XPO5: variants seen among roughly 807,000 people sequenced by gnomAD.
XPO5 encodes exportin 5, also known as exportin-5.
XPO5 carries 46 observed loss-of-function variants against 160.6 expected under a neutral mutation model. That is an observed-to-expected ratio of 0.29 (90% CI 0.23 to 0.37). XPO5 has a LOEUF of 0.37. Ranked by LOEUF, XPO5 falls within the 10% of genes least tolerant of loss-of-function variation. XPO5 has a pLI of 1.00. For missense variants in XPO5, 1,090 were observed against 1,463.9 expected (o/e 0.74, Z 4.17); for synonymous variants, 537 against 519.3 (o/e 1.03, Z -0.46).
At position 43,525,094 on chromosome 6, in the gene XPO5, T is replaced by C. The variant is rs1308657011; in HGVS notation, c.3174+13A>G. ...TTCCATGAGGGGCAGGGAAAAGGGG[T>C]GAATAACCATACTTGTTTGAGGAGA... On this transcript the variant is annotated intron_variant, in intron 29 of 31. Transcript: ENST00000265351. The C allele has an allele frequency of 1.3e-6, 2 of 1,569,138 alleles. No individual in the cohort carries two copies. Among genetic ancestry groups the C allele is most frequent in the East Asian group, 4.7e-5 (2 of 42,506 alleles).
chr6:43,547,371 T>C, intron 19 of XPO5: 3 of 596,746 alleles, frequency 5.0e-6, no homozygotes, highest in Non-Finnish European at 9.2e-6. Context: ...TTCAGAGCTA[T>C]TTAGAGATCC....
chr6:43,525,297 G>GTTT, intron 28 of XPO5, 83 bp from the exon 29 acceptor site: 54 of 1,075,878 alleles, frequency 5.0e-5, no homozygotes, highest in Non-Finnish European at 6.3e-5. Flanking sequence ...GAGCCGGAGG[G>GTTT]TTTTTTTTTT....
chr6:43,547,582 AC>A (rs764832527), intron 19 of XPO5, 25 bp downstream of exon 19: 1 of 1,610,372 alleles, frequency 6.2e-7, no homozygotes, highest in Non-Finnish European at 8.5e-7. Context: ...GGCCAATGCC[AC>A]TTCCCATTCC....
chr6:43,526,455 G>C (rs1395464006), intron 27 of XPO5: 2 of 560,498 alleles, frequency 3.6e-6, no homozygotes, highest in Non-Finnish European at 3.2e-6. Context: ...CAAGAGAAAA[G>C]ATCACATATA....
chr6:43,556,010 T>G (rs746025880), intron 12 of XPO5, 46 bp from the exon 13 acceptor site: 1 of 1,607,884 alleles, frequency 6.2e-7, no homozygotes, highest in South Asian at 1.1e-5. Flanking sequence ...CAATAACTGG[T>G]ATAAAATAAG....
At chr6:43,548,014 T>A (rs1795047643) in intron 18 of XPO5, among the ~76,000 whole-genome samples, 1 of 152,246 alleles carries the variant, frequency 6.6e-6, no homozygotes, top group Non-Finnish European at 1.5e-5. Flanking sequence ...CTAGCTGTTC[T>A]CATTTTTCTA....
chr6:43,525,291 C>A (rs531507184), intron 28 of XPO5, 77 bp from the exon 29 acceptor site: 1 of 1,370,072 alleles, frequency 7.3e-7, no homozygotes, highest in Admixed American at 2.5e-5. Context: ...CATCAGGAGC[C>A]GGAGGGTTTT....
At position 43,566,679 on chromosome 6, in the gene XPO5, G is replaced by A. The variant is rs898935229; in HGVS notation, c.834+490C>T. The A allele has an allele frequency of 6.1e-5, 25 of 411,548 alleles. 1 individual carries two copies. Among genetic ancestry groups the A allele is most frequent in the African/African-American group, 4.1e-4 (20 of 48,798 alleles). The allele number at this position is 411,548 out of a possible 1,614,324, so 25.5% of individuals were successfully genotyped here. On this transcript the variant is annotated intron_variant, in intron 7 of 31. Transcript: ENST00000265351. ...ACAAAAATCAGTCGGGCATGGTGGC[G>A]TGTGCCTATAGTCCTAGCTACTCGG... is the stretch of plus-strand genomic sequence containing the variant.
intron 15 of XPO5, 105 bp downstream of exon 15, chr6:43,551,193 C>T (rs1356920027): frequency 8.1e-7 from 1 of 1,242,012 alleles, no homozygotes; most frequent in Non-Finnish European, 1.1e-6. Context: ...TAATTTGAGT[C>T]CAGCCTGGGC....
chr6:43,525,137 G>A lies in XPO5; in HGVS notation c.3144C>T (p.Thr1048=). 1.3e-6 allele frequency: 2 copies of A among 1,580,866 alleles called. No homozygotes were observed. Among genetic ancestry groups the A allele is most frequent in the Non-Finnish European group, 1.7e-6 (2 of 1,162,650 alleles). ...TGAGGAGAGGCCAGCAGAGCTGTGA[G>A]GTTGTCCTCTGGCAGGACAGAGTAT... ...WKDTLSCQRT[T]SQLCWPLLKQ... is the part of the protein sequence containing the mutation. Residue 1048 remains threonine, a synonymous_variant, in exon 29 of 32, where the codon ACC becomes ACT. Coordinates refer to ENST00000265351, the MANE Select transcript of XPO5 (RefSeq NM_020750.3).
In XPO5 at chr6:43,522,952, C is replaced by G. The variant is rs560437340; in HGVS notation, c.*916G>C. 1.2e-4 allele frequency: 22 copies of G among 176,632 alleles called. 3 individuals carry two copies. In the South Asian group the frequency reaches 2.2e-3, roughly 17 times the overall value. The allele number at this position is 176,632 out of a possible 1,614,324, so 10.9% of individuals were successfully genotyped here. On this transcript the variant is annotated 3_prime_UTR_variant, in exon 32 of 32. Transcript: ENST00000265351. ...GCCTTTGAGAAAAGTAACCAGGGACCTGAAAGACCATGAGATTGTGGAAGG... is the reference window on the plus strand; with the variant it reads ...GCCTTTGAGAAAAGTAACCAGGGACGTGAAAGACCATGAGATTGTGGAAGG...
In XPO5 at chr6:43,525,231, G is replaced by A; in HGVS notation, c.3067-17C>T. The A allele has an allele frequency of 6.4e-7, 1 of 1,559,680 alleles. No homozygotes were observed. The highest frequency in any genetic ancestry group is 8.7e-7 in the Non-Finnish European group (1 of 1,150,318). On this transcript the variant is annotated splice_polypyrimidine_tract_variant and intron_variant, in intron 28 of 31. Transcript: ENST00000265351. ...ACAAACATCCTGAACAGGAAAAGAT[G>A]AAGAGTTACAATGGAAAAAGAAGCA...
chr6:43,525,318 C>A (rs1036332533), intron 28 of XPO5, 104 bp from the exon 29 acceptor site: 20 of 1,112,380 alleles, frequency 1.8e-5, no homozygotes, highest in Middle Eastern at 2.5e-4. Context: ...TTCCTCCCCC[C>A]CTCTAAAGAT....
chr6:43,534,726 G>A (rs968693377), intron 20 of XPO5, among the ~76,000 whole-genome samples: 5 of 152,106 alleles, frequency 3.3e-5, no homozygotes, highest in Non-Finnish European at 7.3e-5. Context: ...GGCTGGGCTC[G>A]GTGGCTCACG....
In XPO5 at chr6:43,528,117, T is replaced by A. The variant is rs373500175; in HGVS notation, c.2822+42A>T. On this transcript the variant is annotated intron_variant, in intron 25 of 31. Transcript: ENST00000265351. ...TTCCTTTTCCCACCCCAAACCTGGCTGCCAGTTCATCCACCAAGAAGAGTG... is the reference window on the plus strand; with the variant it reads ...TTCCTTTTCCCACCCCAAACCTGGCAGCCAGTTCATCCACCAAGAAGAGTG... 1.0e-5 allele frequency: 16 copies of A among 1,565,246 alleles called. No homozygotes were observed. The African/African-American group carries it at 2.0e-4, about 20-fold the overall frequency.
At chr6:43,545,304 G>C (rs1174651102) in intron 20 of XPO5, among the ~76,000 whole-genome samples, 1 of 152,182 alleles carries the variant, frequency 6.6e-6, no homozygotes, top group Non-Finnish European at 1.5e-5. Context: ...ATTCCCAGGA[G>C]AGTTTCACTG....
At chr6:43,564,797 C>T (rs946845324) in intron 8 of XPO5, among the ~76,000 whole-genome samples, 2 of 152,022 alleles carry the variant, frequency 1.3e-5, no homozygotes, top group Non-Finnish European at 2.9e-5. Flanking sequence ...TAGAGATGGA[C>T]TCTTGCCATG....
intron 13 of XPO5, among the ~76,000 whole-genome samples, chr6:43,554,615 G>A (rs1038109586): frequency 6.6e-6 from 1 of 151,688 alleles, no homozygotes; most frequent in African/African-American, 2.4e-5. Flanking sequence ...GTAGAGACAG[G>A]GTTTTGCCAT....
At chr6:43,536,207 G>T (rs1481061497) in intron 20 of XPO5, among the ~76,000 whole-genome samples, 2 of 151,862 alleles carry the variant, frequency 1.3e-5, no homozygotes, top group African/African-American at 2.4e-5. Context: ...CTGAGGTCAG[G>T]AGTTTGAGAC....
Sources: allele counts gnomAD v4.1 joint callset (sites outside exome capture counted in the v4.1 genomes callset), GRCh38; gene constraint gnomAD v4.1.1; transcripts MANE v1.5; gene names NCBI Gene and HGNC (gene_info 2026-07-23, HGNC 2026-07-21).